COL25A1: variants seen among roughly 807,000 people sequenced by gnomAD.
COL25A1 encodes collagen alpha-1(XXV) chain.
In COL25A1, 103 loss-of-function variants were observed where a neutral mutation model predicts 128.4. The ratio of observed to expected loss-of-function variants is 0.80; its 90% CI spans 0.68 to 0.94. COL25A1 has a LOEUF of 0.94. COL25A1 is among the 40% of genes least tolerant of loss of function. The probability of loss-of-function intolerance (pLI) is 0.00; values close to 1 mark genes in which losing one functional copy is unlikely to be tolerated. For synonymous variants in COL25A1, 279 were observed against 277.2 expected, an observed-to-expected ratio of 1.01 and a Z score of -0.06; for missense variants, 745 against 840.0, an observed-to-expected ratio of 0.89 and a Z score of 1.40.
At chr4:109,230,160 A>T (rs1168303766) in intron 3 of COL25A1, among the ~76,000 whole-genome samples, 1 of 152,238 alleles carries the variant, frequency 6.6e-6, no homozygotes, top group Non-Finnish European at 1.5e-5. Flanking sequence ...TTACAATTCA[A>T]CATGGGATTT....
intron 3 of COL25A1, among the ~76,000 whole-genome samples, chr4:109,056,306 A>C (rs1761439983): frequency 1.3e-5 from 2 of 152,132 alleles, no homozygotes; most frequent in African/African-American, 4.8e-5. Context: ...ACAAACAACA[A>C]AAATTAAGTT....
chr4:108,996,511 A>G (rs930883832), intron 6 of COL25A1, among the ~76,000 whole-genome samples: 8 of 152,134 alleles, frequency 5.3e-5, no homozygotes, highest in African/African-American at 1.9e-4. Context: ...AGACTCCCAC[A>G]CAATGATAAT....
At chr4:109,239,679 C>T (rs1407818333) in intron 3 of COL25A1, among the ~76,000 whole-genome samples, 1 of 151,390 alleles carries the variant, frequency 6.6e-6, no homozygotes, top group Non-Finnish European at 1.5e-5. Flanking sequence ...TACTGTACAC[C>T]ACTGTAGGCC....
intron 3 of COL25A1, among the ~76,000 whole-genome samples, chr4:109,276,003 T>G (rs540723207): frequency 2.0e-5 from 3 of 152,234 alleles, no homozygotes; most frequent in South Asian, 4.1e-4. Flanking sequence ...CAACCTTTTC[T>G]GTAGACTTCC....
chr4:109,249,456 G>A (rs554371921), intron 3 of COL25A1, among the ~76,000 whole-genome samples: 185 of 152,230 alleles, frequency 1.2e-3, no homozygotes, highest in African/African-American at 4.0e-3. Context: ...GGAGGGAATC[G>A]TCTTATTCAC....
intron 36 of COL25A1, among the ~76,000 whole-genome samples, chr4:108,818,094 A>T (rs1461682733): frequency 6.6e-6 from 1 of 152,146 alleles, no homozygotes; most frequent in East Asian, 1.9e-4. Flanking sequence ...GTGTTGCAAA[A>T]TTTATTTTAA....
intron 20 of COL25A1, among the ~76,000 whole-genome samples, chr4:108,866,198 C>CTTTTT (rs35781275): frequency 7.8e-6 from 1 of 128,618 alleles, no homozygotes; most frequent in Non-Finnish European, 1.6e-5. Context: ...TCTTTTCTTT[C>CTTTTT]TTTTTTTTTT....
chr4:108,943,606 C>T (rs1004097042), intron 8 of COL25A1, among the ~76,000 whole-genome samples: 3 of 152,166 alleles, frequency 2.0e-5, no homozygotes, highest in African/African-American at 7.2e-5. Flanking sequence ...TCCAAAAGAA[C>T]TTGACAGTTC....
chr4:109,081,352 T>C (rs1374255863), intron 3 of COL25A1, among the ~76,000 whole-genome samples: 1 of 152,220 alleles, frequency 6.6e-6, no homozygotes, highest in East Asian at 1.9e-4. Context: ...TTAGATAGAA[T>C]ATTAATTCCA....
Position 108,983,936 on chromosome 4 carries a change from G to A in COL25A1, c.439-9377C>T, listed in dbSNP as rs185299348. Among the ~76,000 whole-genome samples, 1,215 of 152,252 alleles carry A rather than the reference G, an allele frequency of 8.0e-3. 8 individuals are homozygous for A. Among genetic ancestry groups the A allele is most frequent in the Middle Eastern group, 0.017 (5 of 294 alleles). ...ACAGTGTGGAAGGGGACCCAAGCGG[G>A]TTGCCACTGCTGACTCGGGCAGCCT... On this transcript the variant is annotated intron_variant, in intron 6 of 37. Transcript: ENST00000399132.
At chr4:109,279,750 A>G (rs1332271768) in intron 3 of COL25A1, among the ~76,000 whole-genome samples, 5 of 152,180 alleles carry the variant, frequency 3.3e-5, no homozygotes, top group African/African-American at 9.6e-5. Context: ...TTTTTTGTTA[A>G]TGAGCCATAT....
intron 3 of COL25A1, among the ~76,000 whole-genome samples, chr4:109,182,750 G>A (rs916322722): frequency 2.0e-5 from 3 of 152,074 alleles, no homozygotes; most frequent in Non-Finnish European, 4.4e-5. Context: ...GTAAGTGACT[G>A]AGGTCACATC....
intron 11 of COL25A1, among the ~76,000 whole-genome samples, chr4:108,931,190 A>G (rs1560884193): frequency 2.0e-5 from 3 of 152,202 alleles, no homozygotes. Context: ...TTATTTACAG[A>G]ACATATATAA....
chr4:108,880,983 T>G (rs2125829829), intron 19 of COL25A1, among the ~76,000 whole-genome samples: 1 of 152,310 alleles, frequency 6.6e-6, no homozygotes, highest in African/African-American at 2.4e-5. Flanking sequence ...GGCTCAAATC[T>G]TATTCCAGAA....
At chr4:109,225,466 G>A (rs145354098) in intron 3 of COL25A1, among the ~76,000 whole-genome samples, 5 of 152,242 alleles carry the variant, frequency 3.3e-5, no homozygotes, top group East Asian at 3.9e-4. Flanking sequence ...AGATGTTGAC[G>A]AGGATGCGGA....
chr4:109,260,124 C>CAG (rs1781340310), intron 3 of COL25A1, among the ~76,000 whole-genome samples: 1 of 152,200 alleles, frequency 6.6e-6, no homozygotes, highest in African/African-American at 2.4e-5. Flanking sequence ...TTATACAAAG[C>CAG]TGCCTCCATT....
chr4:108,940,283 C>T (rs992537188), intron 10 of COL25A1, among the ~76,000 whole-genome samples: 1 of 152,150 alleles, frequency 6.6e-6, no homozygotes, highest in Non-Finnish European at 1.5e-5. Flanking sequence ...CTCCAGGTGT[C>T]TCTTGTGGTT....
intron 3 of COL25A1, among the ~76,000 whole-genome samples, chr4:109,167,028 AATGAAT>A (rs1773136968): frequency 6.6e-6 from 1 of 152,180 alleles, no homozygotes; most frequent in Non-Finnish European, 1.5e-5. Context: ...ATTTCTAGAA[AATGAAT>A]ATGATCAATG....
At chr4:109,248,097 T>C (rs1259259420) in intron 3 of COL25A1, among the ~76,000 whole-genome samples, 2 of 152,250 alleles carry the variant, frequency 1.3e-5, no homozygotes, top group African/African-American at 4.8e-5. Context: ...CGCATGCCTA[T>C]ATAATGTATT....
Sources: gnomAD v4.1 joint callset for allele counts (sites outside exome capture counted in the v4.1 genomes callset) on GRCh38, gnomAD v4.1.1 for gene constraint, MANE v1.5 for transcripts, NCBI Gene and HGNC (gene_info 2026-07-23, HGNC 2026-07-21) for gene names.